LARP7: variants seen among roughly 807,000 people sequenced by gnomAD.
The protein encoded by LARP7 is la-related protein 7.
Under a neutral mutation model 69.3 loss-of-function variants are expected in LARP7, and 52 were observed. The ratio of observed to expected loss-of-function variants is 0.75; its 90% CI spans 0.60 to 0.95. The LOEUF (loss-of-function observed/expected upper bound fraction) is 0.95. Among genes scored for constraint, LARP7 ranks in the 40% least tolerant of loss-of-function variants. LARP7 has a pLI of 0.00. For synonymous variants in LARP7, 254 were observed against 215.9 expected (o/e 1.18, Z -1.55); for missense variants, 733 against 673.0 (o/e 1.09, Z -0.99).
chr4:112,651,486 T>TA (rs1277969165), intron 10 of LARP7, among the ~76,000 whole-genome samples: 1 of 152,180 alleles, frequency 6.6e-6, no homozygotes, highest in African/African-American at 2.4e-5. Flanking sequence ...GGGATGTAAA[T>TA]ACTGCTCTGA....
In LARP7 at chr4:112,644,735, A is replaced by G. The variant is rs1441359014; in HGVS notation, c.66A>G (p.Glu22=). Reference sequence around the variant, plus strand: ...AAGAAAGCACTGAAAAGAAAAAAGAAGTTGAAAAAAAGAAACGGTCACGAG... The same window carrying G: ...AAGAAAGCACTGAAAAGAAAAAAGAGGTTGAAAAAAAGAAACGGTCACGAG... The part of the protein sequence containing the change: ...MEEESTEKKK[E]VEKKKRSRVK... Residue 22 remains glutamate, a synonymous_variant, in exon 2 of 13, where the codon GAA becomes GAG. Coordinates refer to ENST00000344442, the MANE Select transcript of LARP7 (RefSeq NM_016648.4). 1.9e-6 allele frequency: 3 copies of G among 1,609,892 alleles called. No homozygotes were observed. The highest frequency in any genetic ancestry group is 2.7e-5 in the African/African-American group (2 of 74,854).
intron 8 of LARP7, 99 bp from the exon 9 acceptor site, chr4:112,649,436 G>A (rs2048597214): frequency 4.3e-6 from 4 of 938,498 alleles, no homozygotes; most frequent in Non-Finnish European, 3.1e-6. Context: ...AAAGTTGGTG[G>A]AGGAGTTGCT....
chr4:112,645,682 CTTT>C (rs770791069), intron 2 of LARP7: 7 of 443,876 alleles, frequency 1.6e-5, no homozygotes, highest in Non-Finnish European at 2.7e-5. Flanking sequence ...ACCAGGCCGG[CTTT>C]TTTTTCTGGC....
Position 112,657,297 on chromosome 4 carries a change from TA to T in LARP7, c.1722del (p.Lys574AsnfsTer3). Reference sequence around the variant, plus strand: ...GACTGGCAAAGACTCAACAAGCGAGTAAACATATAAGATTTTCTGAATATGA... The same window carrying T: ...GACTGGCAAAGACTCAACAAGCGAGTAACATATAAGATTTTCTGAATATGA... ...IRLAKTQQAS[K>X]HIRFSEYD On this transcript the variant is annotated frameshift_variant, in exon 13 of 13. Coordinates refer to ENST00000344442, the MANE Select transcript of LARP7 (RefSeq NM_016648.4). LOFTEE classifies it high-confidence loss of function. 6.3e-7 allele frequency: 1 copy of T among 1,589,746 alleles called. No individual in the cohort carries two copies. Among genetic ancestry groups the T allele is most frequent in the South Asian group, 1.2e-5 (1 of 86,386 alleles).
At position 112,644,955 on chromosome 4, in the gene LARP7, T is replaced by TTTTTTC. The variant is rs373589101; in HGVS notation, c.202+89_202+90insCTTTTT. On this transcript the variant is annotated intron_variant, in intron 2 of 12. Coordinates refer to ENST00000344442, the MANE Select transcript of LARP7 (RefSeq NM_016648.4). ...ATAAAATAATATATTCTTTTTTTTT[T>TTTTTTC]TTTTTTTTTGAGTTGGAGTCTTGCT... 5.9e-4 allele frequency: 303 copies of TTTTTTC among 513,420 alleles called. 5 individuals are homozygous for TTTTTTC. In the African/African-American group the frequency reaches 6.1e-3, roughly 10 times the overall value. 31.8% of individuals were successfully genotyped at this position (513,420 alleles called of 1,614,324 possible).
In LARP7 at chr4:112,653,235, T is replaced by A; in HGVS notation, c.1575T>A (p.Ser525=). 1 of 1,575,476 alleles carries A rather than the reference T, an allele frequency of 6.3e-7. No individual in the cohort carries two copies. The highest frequency in any genetic ancestry group is 8.6e-7 in the Non-Finnish European group (1 of 1,167,840). ...KKHCWKLEIL[S]GDHEQRYWQK... ...ACTGCTGGAAACTCGAGATCCTTTC[T>A]GGTAAAACTTCATAGACGTTTCCTT... The change falls in exon 11 of 13, where the codon TCT becomes TCA. Residue 525 remains serine (S), a splice_region_variant and synonymous_variant. Transcript: ENST00000344442.
intron 1 of LARP7, 153 bp from the exon 2 acceptor site, chr4:112,644,515 T>G: frequency 9.3e-7 from 1 of 1,069,922 alleles, no homozygotes; most frequent in Non-Finnish European, 1.3e-6. Flanking sequence ...TTTAATTTAT[T>G]AAATATAAAA....
intron 1 of LARP7, among the ~76,000 whole-genome samples, chr4:112,640,275 G>C (rs541947963): frequency 6.6e-6 from 1 of 152,212 alleles, no homozygotes; most frequent in Admixed American, 6.5e-5. Flanking sequence ...ACCTTACAAA[G>C]AATTTGAAAT....
In LARP7 at chr4:112,654,103, G is replaced by A; in HGVS notation, c.1612G>A (p.Val538Ile). The A allele has an allele frequency of 6.2e-7, 1 of 1,613,842 alleles. No homozygotes were observed. The highest frequency in any genetic ancestry group is 8.5e-7 in the Non-Finnish European group (1 of 1,179,866). The change falls in exon 12 of 13, where the codon GTT becomes ATT. Residue 538 changes from valine (V) to isoleucine (I), a missense_variant. Val to Ile is a conservative substitution (Grantham distance 29). Coordinates refer to ENST00000344442, the MANE Select transcript of LARP7 (RefSeq NM_016648.4). Reference sequence around the variant, plus strand: ...ACAAAGGTATTGGCAGAAGATTTTGGTTGATAGACAGGCAAAACTTAATCA... The same window carrying A: ...ACAAAGGTATTGGCAGAAGATTTTGATTGATAGACAGGCAAAACTTAATCA... ...HEQRYWQKIL[V>I]DRQAKLNQPR...
intron 8 of LARP7, chr4:112,648,725 T>C (rs2048531178): frequency 3.1e-6 from 1 of 327,362 alleles, no homozygotes; most frequent in South Asian, 2.5e-5. Context: ...CAGCCACTTC[T>C]ATTTATACTA....
At position 112,646,970 on chromosome 4, in the gene LARP7, T is replaced by TAAAAAAAAA; in HGVS notation, c.552+20_552+28dup. 7.2e-7 allele frequency: 1 copy of TAAAAAAAAA among 1,384,816 alleles called. No homozygotes were observed. The allele number at this position is 1,384,816 out of a possible 1,614,324, so 85.8% of individuals were successfully genotyped here. A position where few individuals can be genotyped will look rare whatever the true frequency, so the allele number is the denominator to read the frequency against. On this transcript the variant is annotated intron_variant, in intron 5 of 12. Coordinates refer to ENST00000344442, the MANE Select transcript of LARP7 (RefSeq NM_016648.4). The stretch of plus-strand genomic sequence containing the variant: ...AAGCAATTGAGGTAAGTCCAGATCC[T>TAAAAAAAAA]AAAAAAAAAAAAAGAAAGAAAAGAA...
chr4:112,646,923 GAAAC>G lies in LARP7; in HGVS notation c.524_527del (p.Thr175LysfsTer29). The G allele has an allele frequency of 6.2e-7, 1 of 1,605,952 alleles. No individual in the cohort carries two copies. Among genetic ancestry groups the G allele is most frequent in the Admixed American group, 1.7e-5 (1 of 58,602 alleles). Reference sequence around the variant, plus strand: ...AAAGGGATTTGCGTTTGTGGAATTTGAAACAAAAGAACAAGCAGCAAAAGCAATT... The same window carrying G: ...AAAGGGATTTGCGTTTGTGGAATTTGAAAAGAACAAGCAGCAAAAGCAATT... On this transcript the variant is annotated frameshift_variant, in exon 5 of 13. Transcript: ENST00000344442. LOFTEE classifies it high-confidence loss of function.
At chr4:112,649,720 A>C in intron 9 of LARP7, 34 bp downstream of exon 9, 1 of 1,415,178 alleles carries the variant, frequency 7.1e-7, no homozygotes, top group South Asian at 1.4e-5. Context: ...CAACATTATA[A>C]TGTACTTATA....
intron 1 of LARP7, among the ~76,000 whole-genome samples, chr4:112,640,349 G>T (rs143395749): frequency 6.6e-6 from 1 of 152,188 alleles, no homozygotes; most frequent in Non-Finnish European, 1.5e-5. Context: ...AGGTACTGAT[G>T]AAGTTAAAGT....
chr4:112,655,486 A>C (rs1343946084), intron 12 of LARP7: 7 of 152,186 alleles, frequency 4.6e-5, no homozygotes, highest in Admixed American at 1.3e-4. Flanking sequence ...CTTGTCGTGA[A>C]ATGAAACGGA....
chr4:112,647,595 T>TAATTAA (rs1195238169), intron 7 of LARP7, 46 bp downstream of exon 7: 1 of 1,468,580 alleles, frequency 6.8e-7, no homozygotes, highest in African/African-American at 1.4e-5. Flanking sequence ...TAATTTTAAT[T>TAATTAA]AATTAGTTTT....
chr4:112,647,084 T>C lies in LARP7; in HGVS notation c.603T>C (p.Pro201=). 6.2e-7 allele frequency: 1 copy of C among 1,611,538 alleles called. No homozygotes were observed. Among genetic ancestry groups the C allele is most frequent in the South Asian group, 1.1e-5 (1 of 89,954 alleles). The part of the protein sequence containing the change: ...EEAPRKPGIF[P]KTVKNKPIPA... ...CACCAAGAAAACCTGGCATATTTCC[T>C]AAAACAGTGAAAAATAAGCCCATTC... is the stretch of plus-strand genomic sequence containing the variant. Residue 201 remains proline (P), a synonymous_variant, in exon 6 of 13, where the codon CCT becomes CCC. Coordinates refer to ENST00000344442, the MANE Select transcript of LARP7 (RefSeq NM_016648.4).
chr4:112,648,291 T>C (rs2048464553), intron 8 of LARP7: 1 of 527,646 alleles, frequency 1.9e-6, no homozygotes, highest in Middle Eastern at 3.2e-4. Context: ...CTTTAACCTG[T>C]AACAAGCTTA....
Position 112,654,175 on chromosome 4 carries a change from T to C in LARP7, c.1668+16T>C. 6.2e-7 allele frequency: 1 copy of C among 1,603,164 alleles called. No individual in the cohort carries two copies. The highest frequency in any genetic ancestry group is 8.5e-7 in the Non-Finnish European group (1 of 1,170,470). The stretch of plus-strand genomic sequence containing the variant: ...CACTGAAAAGGTAATTGATTCATTT[T>C]TGTTTTTTTAGACTAAACTTTCCTT... On this transcript the variant is annotated intron_variant, in intron 12 of 12. Coordinates refer to ENST00000344442, the MANE Select transcript of LARP7 (RefSeq NM_016648.4).
Sources: allele counts gnomAD v4.1 joint callset (sites outside exome capture counted in the v4.1 genomes callset), GRCh38; gene constraint gnomAD v4.1.1; transcripts MANE v1.5; gene names NCBI Gene and HGNC (gene_info 2026-07-23, HGNC 2026-07-21).